Variants in PKHD1L1 observed in about 807,000 individuals in gnomAD.
PKHD1L1 encodes the protein fibrocystin-L.
PKHD1L1 carries 434 observed loss-of-function variants against 462.9 expected under a neutral mutation model. The observed-to-expected ratio is 0.94, with a 90% CI of 0.87 to 1.02. The LOEUF is 1.02. Among genes scored for constraint, PKHD1L1 ranks in the 50% least tolerant of loss-of-function variants. The pLI, the probability that PKHD1L1 is intolerant of heterozygous loss-of-function variation, is 0.00. For synonymous variants in PKHD1L1, 1,781 were observed against 1,750.0 expected (o/e 1.02, Z -0.44); for missense variants, 5,202 against 5,096.1 (o/e 1.02, Z -0.63).
In PKHD1L1 at chr8:109,400,210, A is replaced by C; in HGVS notation, c.1147A>C (p.Met383Leu). Residue 383 changes from methionine to leucine, a missense_variant, in exon 13 of 78, where the codon ATG (methionine) becomes CTG (leucine). By Grantham distance (15) the Met-to-Leu change is conservative. Coordinates refer to ENST00000378402, the MANE Select transcript of PKHD1L1 (RefSeq NM_177531.6). ...AGATTCAGCTTCCTATATTTGGCTC[A>C]TGGAACAAGACACATTTGTTGCACG... The part of the protein sequence containing the change: ...WVDSASYIWL[M>L]EQDTFVARFS... 2 of 1,613,704 alleles carry C rather than the reference A, an allele frequency of 1.2e-6. No individual in the cohort carries two copies. Among genetic ancestry groups the C allele is most frequent in the Non-Finnish European group, 1.7e-6 (2 of 1,179,688 alleles).
chr8:109,376,295 G>A (rs370080005), intron 2 of PKHD1L1, among the ~76,000 whole-genome samples: 29 of 152,336 alleles, frequency 1.9e-4, no homozygotes, highest in African/African-American at 4.6e-4. Context: ...AGGACCCTCC[G>A]AGCCATGTGC....
At chr8:109,421,430 T>A (rs976498289) in intron 23 of PKHD1L1, among the ~76,000 whole-genome samples, 1 of 152,168 alleles carries the variant, frequency 6.6e-6, no homozygotes, top group Non-Finnish European at 1.5e-5. Flanking sequence ...AGTCTTAATA[T>A]CTTCCAGATT....
At chr8:109,460,403 C>T (rs146522920) in intron 47 of PKHD1L1, among the ~76,000 whole-genome samples, 28 of 152,064 alleles carry the variant, frequency 1.8e-4, no homozygotes, top group Middle Eastern at 6.8e-3. Flanking sequence ...GATGGATAGA[C>T]AGACAAATGG....
chr8:109,400,400 T>C (rs1230933984), intron 13 of PKHD1L1, 56 bp downstream of exon 13: 1 of 1,514,882 alleles, frequency 6.6e-7, no homozygotes, highest in Non-Finnish European at 9.0e-7. Flanking sequence ...GTGATATTTA[T>C]ATGTATCTTA....
chr8:109,362,979 G>C (rs926855320), intron 1 of PKHD1L1, among the ~76,000 whole-genome samples: 4 of 152,114 alleles, frequency 2.6e-5, no homozygotes, highest in Non-Finnish European at 5.9e-5. Flanking sequence ...TGGCGGGGGA[G>C]TGGGGACTGG....
At position 109,534,327 on chromosome 8, in the gene PKHD1L1, G is replaced by A. The variant is rs1484936868; in HGVS notation, c.*4237G>A. ...AATACAAAAAAATTAGCCAGGCATG[G>A]TGGCGGGCACCTGTAGTCTCAGCTA... On this transcript the variant is annotated 3_prime_UTR_variant, in exon 78 of 78. Coordinates refer to ENST00000378402, the MANE Select transcript of PKHD1L1 (RefSeq NM_177531.6). Among the ~76,000 whole-genome samples, 1 of 152,326 alleles carries A rather than the reference G, an allele frequency of 6.6e-6. No individual in the cohort carries two copies. The highest frequency in any genetic ancestry group is 2.4e-5 in the African/African-American group (1 of 41,590).
At position 109,438,362 on chromosome 8, in the gene PKHD1L1, T is replaced by C; in HGVS notation, c.3666T>C (p.Asn1222=). ...CAGTTGATATTTCAGTTACTACCAA[T>C]GGATTTCAAGCCACAGCAAGGGATG... is the stretch of plus-strand genomic sequence containing the variant. The part of the protein sequence containing the change: ...EGTVDISVTT[N]GFQATARDAF... The change falls in exon 31 of 78, where the codon AAT becomes AAC. Residue 1222 remains asparagine, a synonymous_variant. Coordinates refer to ENST00000378402, the MANE Select transcript of PKHD1L1 (RefSeq NM_177531.6). 1 of 1,539,336 alleles carries C rather than the reference T, an allele frequency of 6.5e-7. No homozygotes were observed. Among genetic ancestry groups the C allele is most frequent in the South Asian group, 1.2e-5 (1 of 82,306 alleles).
At chr8:109,508,688 C>G (rs1819824251) in intron 70 of PKHD1L1, among the ~76,000 whole-genome samples, 1 of 152,128 alleles carries the variant, frequency 6.6e-6, no homozygotes, top group South Asian at 2.1e-4. Context: ...AAGCAGTATT[C>G]TCAGCCTGCT....
chr8:109,478,034 C>T (rs1186837541), intron 53 of PKHD1L1, among the ~76,000 whole-genome samples: 1 of 152,036 alleles, frequency 6.6e-6, no homozygotes, highest in East Asian at 1.9e-4. Flanking sequence ...AGGCATGATC[C>T]TGATTTGATG....
intron 43 of PKHD1L1, 84 bp downstream of exon 43, chr8:109,452,958 A>G (rs1563561290): frequency 1.0e-5 from 12 of 1,156,296 alleles, no homozygotes; most frequent in Non-Finnish European, 1.2e-5. Flanking sequence ...ACAATTATGA[A>G]CAAACATAGT....
chr8:109,486,551 C>T (rs1220726384), intron 58 of PKHD1L1, 97 bp from the exon 59 acceptor site: 8 of 1,175,050 alleles, frequency 6.8e-6, no homozygotes, highest in Non-Finnish European at 9.3e-6. Context: ...TCATTTTTGG[C>T]TTATTAGAAG....
At chr8:109,441,202 T>A (rs1206482516) in intron 33 of PKHD1L1, 73 bp from the exon 34 acceptor site, 1 of 997,732 alleles carries the variant, frequency 1.0e-6, no homozygotes, top group East Asian at 2.8e-5. Flanking sequence ...TTATGCTTCA[T>A]CTCTATAATT....
At chr8:109,446,818 C>T (rs1281438671) in intron 38 of PKHD1L1, among the ~76,000 whole-genome samples, 4 of 152,006 alleles carry the variant, frequency 2.6e-5, no homozygotes, top group Admixed American at 2.6e-4. Context: ...GTTTTATTTG[C>T]TGAAGAGACA....
intron 32 of PKHD1L1, 49 bp from the exon 33 acceptor site, chr8:109,440,661 A>G: frequency 1.3e-6 from 2 of 1,551,988 alleles, no homozygotes; most frequent in East Asian, 2.3e-5. Context: ...GTTTAGCAAG[A>G]TAAATCAGTA....
At chr8:109,445,923 A>C (rs1816113002) in intron 38 of PKHD1L1, among the ~76,000 whole-genome samples, 1 of 152,176 alleles carries the variant, frequency 6.6e-6, no homozygotes, top group Non-Finnish European at 1.5e-5. Flanking sequence ...ATAAGTGAAG[A>C]TAGACCAAAA....
chr8:109,387,684 T>G (rs1812506591), intron 6 of PKHD1L1, among the ~76,000 whole-genome samples: 2 of 152,186 alleles, frequency 1.3e-5, no homozygotes, highest in South Asian at 4.1e-4. Flanking sequence ...TTACTTGCTT[T>G]GCAATCCTAA....
At chr8:109,488,202 T>C (rs1446456789) in intron 59 of PKHD1L1, among the ~76,000 whole-genome samples, 2 of 151,982 alleles carry the variant, frequency 1.3e-5, no homozygotes, top group Non-Finnish European at 2.9e-5. Flanking sequence ...TTTTTCCTCA[T>C]ATTGACTAGG....
intron 10 of PKHD1L1, among the ~76,000 whole-genome samples, chr8:109,395,085 T>C (rs1333744905): frequency 6.6e-6 from 1 of 152,214 alleles, no homozygotes; most frequent in Non-Finnish European, 1.5e-5. Flanking sequence ...ATTTACCGCA[T>C]ATCACTAGCC....
At chr8:109,396,420 C>T (rs1288196425) in intron 11 of PKHD1L1, among the ~76,000 whole-genome samples, 1 of 152,172 alleles carries the variant, frequency 6.6e-6, no homozygotes, top group Non-Finnish European at 1.5e-5. Context: ...AATTCCTCGC[C>T]ACAGTTTAAG....
Sources: gnomAD v4.1 joint callset for allele counts (sites outside exome capture counted in the v4.1 genomes callset) on GRCh38, gnomAD v4.1.1 for gene constraint, MANE v1.5 for transcripts, NCBI Gene and HGNC (gene_info 2026-07-23, HGNC 2026-07-21) for gene names.